HEYL: variants seen among roughly 807,000 people sequenced by gnomAD.
The protein encoded by HEYL is hairy/enhancer-of-split related with YRPW motif-like protein.
Under a neutral mutation model 18.6 loss-of-function variants are expected in HEYL, and 12 were observed. That is an observed-to-expected ratio of 0.65 (90% CI 0.41 to 1.05). HEYL has a LOEUF of 1.05. HEYL is among the 50% of genes least tolerant of loss of function. The pLI is 0.00. For missense variants in HEYL, 420 were observed against 444.7 expected, an observed-to-expected ratio of 0.94 and a Z score of 0.50; for synonymous variants, 159 against 179.6, an observed-to-expected ratio of 0.89 and a Z score of 0.91.
chr1:39,634,770 A>C (rs1161408453), intron 1 of HEYL, among the ~76,000 whole-genome samples: 1 of 152,244 alleles, frequency 6.6e-6, no homozygotes, highest in Non-Finnish European at 1.5e-5. Flanking sequence ...ATTGATGTCT[A>C]TCTCTCCAAC....
Position 39,623,699 on chromosome 1 carries a change from T to C in HEYL, c.*2808A>G, listed in dbSNP as rs1453108202. Among the ~76,000 whole-genome samples the C allele has an allele frequency of 1.3e-5, 2 of 152,178 alleles. No individual in the cohort carries two copies. The highest frequency in any genetic ancestry group is 4.8e-5 in the African/African-American group (2 of 41,448). ...GGAAGGCCTCTTGGACGAGGCAACG[T>C]TGAAGCCAAGGCCTGAGGGTCTGCA... On this transcript the variant is annotated 3_prime_UTR_variant, in exon 5 of 5. Transcript: ENST00000372852.
At chr1:39,629,051 G>A (rs773205147) in intron 4 of HEYL, among the ~76,000 whole-genome samples, 2 of 152,148 alleles carry the variant, frequency 1.3e-5, no homozygotes, top group African/African-American at 4.8e-5. Flanking sequence ...AAGGTCATAC[G>A]GCTAGTAACC....
chr1:39,638,815 A>G (rs749837973), intron 1 of HEYL, among the ~76,000 whole-genome samples: 2 of 152,194 alleles, frequency 1.3e-5, no homozygotes, highest in Non-Finnish European at 2.9e-5. Flanking sequence ...TCTATTATTC[A>G]TGCTCATTTA....
chr1:39,628,621 G>A (rs1318212353), intron 4 of HEYL, among the ~76,000 whole-genome samples: 5 of 150,170 alleles, frequency 3.3e-5, no homozygotes, highest in Non-Finnish European at 5.9e-5. Context: ...TTTTTGAGAC[G>A]GAGTCTCGCT....
chr1:39,634,342 G>A (rs1033366875), intron 1 of HEYL, among the ~76,000 whole-genome samples: 13 of 152,138 alleles, frequency 8.5e-5, no homozygotes, highest in African/African-American at 1.4e-4. Context: ...TGATCTGCCC[G>A]CCTTGGCCTC....
At position 39,626,852 on chromosome 1, in the gene HEYL, G is replaced by A; in HGVS notation, c.642C>T (p.Ile214=). 1.3e-6 allele frequency: 2 copies of A among 1,585,518 alleles called. No homozygotes were observed. Among genetic ancestry groups the A allele is most frequent in the Non-Finnish European group, 1.7e-6 (2 of 1,165,562 alleles). The part of the protein sequence containing the change: ...LPGVSSPAYP[I]PALRTAPLRR... ...GAAGGGGAGCGGTTCGGAGGGCTGGGATGGGGTAAGCAGGAGAGGAGACAC... is the reference window on the plus strand; with the variant it reads ...GAAGGGGAGCGGTTCGGAGGGCTGGAATGGGGTAAGCAGGAGAGGAGACAC... The change falls in exon 5 of 5, where the codon ATC becomes ATT. Residue 214 remains isoleucine, a synonymous_variant. Coordinates refer to ENST00000372852, the MANE Select transcript of HEYL (RefSeq NM_014571.4).
intron 1 of HEYL, among the ~76,000 whole-genome samples, chr1:39,634,840 A>G (rs1003770401): frequency 2.1e-4 from 32 of 152,250 alleles, no homozygotes; most frequent in African/African-American, 7.7e-4. Context: ...TTGCAGCTTC[A>G]GTACTCAGCA....
chr1:39,638,057 T>C (rs1646369168), intron 1 of HEYL, among the ~76,000 whole-genome samples: 1 of 152,246 alleles, frequency 6.6e-6, no homozygotes, highest in South Asian at 2.1e-4. Context: ...TGCCCTTTCC[T>C]GGCCCTTAAC....
intron 1 of HEYL, among the ~76,000 whole-genome samples, chr1:39,638,068 A>G (rs1178558385): frequency 6.6e-6 from 1 of 152,214 alleles, no homozygotes; most frequent in Non-Finnish European, 1.5e-5. Flanking sequence ...GGCCCTTAAC[A>G]GGCACAGGCT....
At chr1:39,627,214 G>A (rs1646306068) in intron 4 of HEYL, 34 bp from the exon 5 acceptor site, 6 of 1,578,076 alleles carry the variant, frequency 3.8e-6, no homozygotes, top group Non-Finnish European at 5.2e-6. Flanking sequence ...GTCATGCCAG[G>A]TGTGGGGAGA....
intron 1 of HEYL, chr1:39,633,283 G>C (rs909231569): frequency 1.0e-5 from 2 of 197,648 alleles, no homozygotes; most frequent in African/African-American, 2.4e-5. Context: ...TGGCCTCCCA[G>C]AAGGCCCCGT....
chr1:39,631,474 C>T (rs776072942), intron 3 of HEYL, 22 bp downstream of exon 3: 1 of 1,608,342 alleles, frequency 6.2e-7, no homozygotes, highest in Admixed American at 1.7e-5. Context: ...TTTCCTCTAG[C>T]ACAATCAGCA....
At position 39,631,594 on chromosome 1, in the gene HEYL, CAAG is replaced by C. The variant is rs1363006089; in HGVS notation, c.148-18_148-16del. On this transcript the variant is annotated splice_polypyrimidine_tract_variant and intron_variant, in intron 2 of 4. Coordinates refer to ENST00000372852, the MANE Select transcript of HEYL (RefSeq NM_014571.4). ...TTCTCTATGATCTAAACAATCATGA[CAAG>C]AAGTTACTCACAGGTGTGTCATCAC... The C allele has an allele frequency of 1.2e-6, 2 of 1,610,668 alleles. No individual in the cohort carries two copies. The highest frequency in any genetic ancestry group is 3.3e-5 in the Admixed American group (2 of 60,006).
intron 2 of HEYL, 47 bp from the exon 3 acceptor site, chr1:39,631,626 T>C: frequency 6.6e-7 from 1 of 1,508,284 alleles, no homozygotes; most frequent in Non-Finnish European, 9.2e-7. Context: ...TCATCACAGT[T>C]TCCAAAGTGC....
rs988578140 is a variant in HEYL, at chr1:39,623,464, G to T, written c.*3043C>A. On this transcript the variant is annotated 3_prime_UTR_variant, in exon 5 of 5. Coordinates refer to ENST00000372852, the MANE Select transcript of HEYL (RefSeq NM_014571.4). ...CTTCTTCAACAAGTATTTATTGAAC[G>T]CCAACTATGGACCAGGCCCTGTGCT... Among the ~76,000 whole-genome samples, 6 of 152,234 alleles carry T rather than the reference G, an allele frequency of 3.9e-5. No individual in the cohort carries two copies. Among genetic ancestry groups the T allele is most frequent in the African/African-American group, 1.4e-4 (6 of 41,454 alleles).
At chr1:39,636,579 A>T (rs1646363285) in intron 1 of HEYL, among the ~76,000 whole-genome samples, 1 of 152,106 alleles carries the variant, frequency 6.6e-6, no homozygotes, top group South Asian at 2.1e-4. Context: ...AGTGGCTTTT[A>T]ATCTGGGGCT....
In HEYL at chr1:39,625,434, C is replaced by T. The variant is rs1281064225; in HGVS notation, c.*1073G>A. The T allele has an allele frequency of 1.3e-5, 2 of 152,304 alleles. No individual in the cohort carries two copies. Among genetic ancestry groups the T allele is most frequent in the African/African-American group, 4.8e-5 (2 of 41,448 alleles). The allele number at this position is 152,304 out of a possible 1,614,324, so 9.4% of individuals were successfully genotyped here. On this transcript the variant is annotated 3_prime_UTR_variant, in exon 5 of 5. Transcript: ENST00000372852. ...CGACCCACTGCATGACCTTGAAGGG[C>T]CAAGGTGCCTCGAATCATCCTTTCT...
intron 2 of HEYL, among the ~76,000 whole-genome samples, chr1:39,631,806 G>A (rs988978432): frequency 6.6e-6 from 1 of 152,194 alleles, no homozygotes; most frequent in Admixed American, 6.5e-5. Context: ...CTCTTGTCTC[G>A]GTCTATAGGG....
At chr1:39,631,335 T>TATAA (rs1646331625) in intron 3 of HEYL, among the ~76,000 whole-genome samples, 161 bp downstream of exon 3, 1 of 152,180 alleles carries the variant, frequency 6.6e-6, no homozygotes, top group South Asian at 2.1e-4. Flanking sequence ...GACACCTAAG[T>TATAA]ATAAATTTCC....
Sources: gnomAD v4.1 joint callset for allele counts (sites outside exome capture counted in the v4.1 genomes callset) on GRCh38, gnomAD v4.1.1 for gene constraint, MANE v1.5 for transcripts, NCBI Gene and HGNC (gene_info 2026-07-23, HGNC 2026-07-21) for gene names.